NOS1AP: variants seen among roughly 807,000 people sequenced by gnomAD.
NOS1AP encodes the protein carboxyl-terminal PDZ ligand of neuronal nitric oxide synthase protein.
A neutral mutation model predicts 56.2 loss-of-function variants in NOS1AP; 21 were observed. The observed-to-expected ratio is 0.37, with a 90% CI of 0.26 to 0.54. NOS1AP has a LOEUF of 0.54. Among genes scored for constraint, NOS1AP ranks in the 20% least tolerant of loss-of-function variants. The pLI is 0.84. For synonymous variants in NOS1AP, 270 were observed against 274.6 expected, an observed-to-expected ratio of 0.98 and a Z score of 0.17; for missense variants, 522 against 657.8, an observed-to-expected ratio of 0.79 and a Z score of 2.26.
At chr1:162,184,423 C>T (rs1033826283) in intron 2 of NOS1AP, among the ~76,000 whole-genome samples, 2 of 152,172 alleles carry the variant, frequency 1.3e-5, no homozygotes, top group African/African-American at 4.8e-5. Flanking sequence ...AATAGACATG[C>T]TTGACACAGG....
chr1:162,070,399 C>A, intron 1 of NOS1AP, 117 bp downstream of exon 1: 1 of 812,174 alleles, frequency 1.2e-6, no homozygotes, highest in Non-Finnish European at 2.1e-6. Context: ...GATTTGGGGG[C>A]CTTTCTCTTA....
chr1:162,168,929 G>A (rs1239823582), intron 2 of NOS1AP, among the ~76,000 whole-genome samples: 4 of 152,260 alleles, frequency 2.6e-5, no homozygotes, highest in Non-Finnish European at 5.9e-5. Context: ...AACCAGGCCA[G>A]CTTTGGGTTG....
At chr1:162,262,895 T>C (rs1454072904) in intron 2 of NOS1AP, among the ~76,000 whole-genome samples, 1 of 152,242 alleles carries the variant, frequency 6.6e-6, no homozygotes, top group South Asian at 2.1e-4. Context: ...TCAAAAGAAT[T>C]GCTTAGTTGC....
intron 1 of NOS1AP, among the ~76,000 whole-genome samples, chr1:162,140,866 G>C (rs1243620092): frequency 6.6e-6 from 1 of 152,288 alleles, no homozygotes; most frequent in Admixed American, 6.5e-5. Context: ...GTATCTCACT[G>C]TGGTTTCGAT....
At chr1:162,238,395 G>A (rs1180362191) in intron 2 of NOS1AP, among the ~76,000 whole-genome samples, 1 of 152,140 alleles carries the variant, frequency 6.6e-6, no homozygotes, top group Non-Finnish European at 1.5e-5. Flanking sequence ...CAAAGAAGCA[G>A]CTCTCTTAAG....
intron 2 of NOS1AP, among the ~76,000 whole-genome samples, chr1:162,164,868 C>A (rs908905887): frequency 6.6e-6 from 1 of 152,148 alleles, no homozygotes; most frequent in African/African-American, 2.4e-5. Context: ...GGAGCGCAAA[C>A]CTCTTTGATT....
intron 1 of NOS1AP, among the ~76,000 whole-genome samples, chr1:162,136,613 G>T (rs1420574822): frequency 6.6e-6 from 1 of 152,134 alleles, no homozygotes; most frequent in Non-Finnish European, 1.5e-5. Context: ...TTCCAGATGT[G>T]TCCTTTTTCT....
Position 162,170,385 on chromosome 1 carries a change from G to C in NOS1AP, c.177+15909G>C, listed in dbSNP as rs376990998. ...ATCTAGGCTGAGTAACTTGTCTAAG[G>C]CTACCCAGGTAGCAAGCAGCAGAGC... On this transcript the variant is annotated intron_variant, in intron 2 of 9. Transcript: ENST00000361897. 2.2e-3 allele frequency among the ~76,000 whole-genome samples: 334 copies of C among 152,310 alleles called. 3 individuals are homozygous for C. Among genetic ancestry groups the C allele is most frequent in the African/African-American group, 7.5e-3 (312 of 41,564 alleles).
chr1:162,349,483 A>T (rs1657419293), intron 6 of NOS1AP, among the ~76,000 whole-genome samples: 1 of 152,190 alleles, frequency 6.6e-6, no homozygotes, highest in South Asian at 2.1e-4. Flanking sequence ...GGGTTCCAGC[A>T]CTGGAACCAC....
chr1:162,317,654 G>T (rs879273360), intron 4 of NOS1AP: 1 of 152,094 alleles, frequency 6.6e-6, no homozygotes, highest in Non-Finnish European at 1.5e-5. Flanking sequence ...ATATCTACAT[G>T]AGCCCCATCC....
In NOS1AP at chr1:162,176,155, C is replaced by G. The variant is rs77426967; in HGVS notation, c.177+21679C>G. On this transcript the variant is annotated intron_variant, in intron 2 of 9. Coordinates refer to ENST00000361897, the MANE Select transcript of NOS1AP (RefSeq NM_014697.3). Reference sequence around the variant, plus strand: ...TACATTCCATCCTGGGATCCTTGGCCTCCCACTCAATGATTTTTTTTAAAA... The same window carrying G: ...TACATTCCATCCTGGGATCCTTGGCGTCCCACTCAATGATTTTTTTTAAAA... 3.3e-5 allele frequency among the ~76,000 whole-genome samples: 5 copies of G among 152,238 alleles called. No individual in the cohort carries two copies. The East Asian group carries it at 9.6e-4, about 29-fold the overall frequency.
intron 2 of NOS1AP, among the ~76,000 whole-genome samples, chr1:162,187,139 G>A (rs1490317840): frequency 6.6e-6 from 1 of 151,872 alleles, no homozygotes; most frequent in African/African-American, 2.4e-5. Context: ...CTAATTTTTT[G>A]TATTTTTTGT....
intron 2 of NOS1AP, among the ~76,000 whole-genome samples, chr1:162,246,911 T>C (rs1164861815): frequency 1.3e-5 from 2 of 152,060 alleles, no homozygotes; most frequent in African/African-American, 2.4e-5. Context: ...CATTATAAGG[T>C]TGGGTAAAAC....
chr1:162,248,081 A>G (rs1653728848), intron 2 of NOS1AP, among the ~76,000 whole-genome samples: 1 of 152,122 alleles, frequency 6.6e-6, no homozygotes, highest in Non-Finnish European at 1.5e-5. Flanking sequence ...CCGGATGTTC[A>G]AAACCAGCCT....
intron 2 of NOS1AP, among the ~76,000 whole-genome samples, chr1:162,162,891 A>C (rs1337069): frequency 0.99 from 150,006 of 152,164 alleles, 73,975 homozygotes; most frequent in East Asian, 1. Flanking sequence ...TCATCACCAC[A>C]ATCAATTTTC....
At chr1:162,172,756 T>G (rs1056043993) in intron 2 of NOS1AP, among the ~76,000 whole-genome samples, 1 of 152,188 alleles carries the variant, frequency 6.6e-6, no homozygotes, top group African/African-American at 2.4e-5. Flanking sequence ...CTCAAGGTTT[T>G]GCATAGATTA....
chr1:162,141,897 G>C (rs1236829243), intron 1 of NOS1AP, among the ~76,000 whole-genome samples: 2 of 152,344 alleles, frequency 1.3e-5, no homozygotes, highest in East Asian at 3.9e-4. Flanking sequence ...AGTCTTTATA[G>C]TGCAGGAGGA....
intron 2 of NOS1AP, among the ~76,000 whole-genome samples, chr1:162,250,836 C>T (rs768736936): frequency 3.9e-5 from 6 of 152,170 alleles, no homozygotes; most frequent in Middle Eastern, 6.3e-3. Flanking sequence ...TTTGTGGATA[C>T]CATTATCAGC....
At chr1:162,166,548 C>T (rs1269323990) in intron 2 of NOS1AP, among the ~76,000 whole-genome samples, 3 of 152,194 alleles carry the variant, frequency 2.0e-5, no homozygotes, top group South Asian at 4.1e-4. Context: ...CTTCTAGAAG[C>T]TTTCCCTGAT....
Sources: gnomAD v4.1 joint callset for allele counts (sites outside exome capture counted in the v4.1 genomes callset) on GRCh38, gnomAD v4.1.1 for gene constraint, MANE v1.5 for transcripts, NCBI Gene and HGNC (gene_info 2026-07-23, HGNC 2026-07-21) for gene names.